Variants in ARHGEF3 observed in about 807,000 individuals in gnomAD.
ARHGEF3 encodes Rho guanine nucleotide exchange factor 3.
In ARHGEF3, 28 loss-of-function variants were observed where a neutral mutation model predicts 63.2. That is an observed-to-expected ratio of 0.44 (90% CI 0.33 to 0.61). The LOEUF (loss-of-function observed/expected upper bound fraction) is 0.61, where lower values mean the gene tolerates loss of function less well. Among genes scored for constraint, ARHGEF3 ranks in the 20% least tolerant of loss-of-function variants. The probability of loss-of-function intolerance (pLI) is 0.03; values close to 1 mark genes in which losing one functional copy is unlikely to be tolerated. For synonymous variants in ARHGEF3, 266 were observed against 254.2 expected, an observed-to-expected ratio of 1.05 and a Z score of -0.44; for missense variants, 533 against 659.3, an observed-to-expected ratio of 0.81 and a Z score of 2.10.
intron 2 of ARHGEF3, among the ~76,000 whole-genome samples, chr3:57,004,476 C>G (rs1202256224): frequency 6.6e-6 from 1 of 152,164 alleles, no homozygotes; most frequent in Admixed American, 6.5e-5. Context: ...AGCTGATGCC[C>G]GACATTTCCT....
chr3:56,770,662 C>T (rs2035957811), intron 2 of ARHGEF3, among the ~76,000 whole-genome samples: 1 of 152,058 alleles, frequency 6.6e-6, no homozygotes, highest in South Asian at 2.1e-4. Context: ...CTGCATACAA[C>T]TTGAGGGGTG....
chr3:56,965,730 C>G (rs1484736265), intron 2 of ARHGEF3, among the ~76,000 whole-genome samples: 1 of 149,852 alleles, frequency 6.7e-6, no homozygotes, highest in Admixed American at 6.7e-5. Flanking sequence ...CTCACTGCAA[C>G]CTCTGCCTTC....
At chr3:56,733,664 C>T (rs2033378511) in intron 8 of ARHGEF3, among the ~76,000 whole-genome samples, 1 of 151,848 alleles carries the variant, frequency 6.6e-6, no homozygotes, top group Admixed American at 6.6e-5. Flanking sequence ...CCTGAGGGGA[C>T]CAGAGTATGC....
At chr3:56,890,569 C>T (rs1204413977) in intron 3 of ARHGEF3, among the ~76,000 whole-genome samples, 2 of 152,162 alleles carry the variant, frequency 1.3e-5, no homozygotes, top group African/African-American at 2.4e-5. Flanking sequence ...CAGGATCCTG[C>T]AGAATGATGG....
At chr3:56,849,018 GCTGAA>G (rs575502353) in intron 4 of ARHGEF3, among the ~76,000 whole-genome samples, 3 of 152,190 alleles carry the variant, frequency 2.0e-5, no homozygotes, top group Non-Finnish European at 4.4e-5. Context: ...TTTTAAAGAG[GCTGAA>G]CTGAACACTA....
At chr3:56,839,616 A>T (rs2039241926) in intron 4 of ARHGEF3, among the ~76,000 whole-genome samples, 1 of 152,196 alleles carries the variant, frequency 6.6e-6, no homozygotes, top group Non-Finnish European at 1.5e-5. Flanking sequence ...AGCTTATTAA[A>T]AATATAAAAC....
chr3:56,995,262 G>C (rs1458492595), intron 2 of ARHGEF3, among the ~76,000 whole-genome samples: 2 of 152,008 alleles, frequency 1.3e-5, no homozygotes, highest in Non-Finnish European at 2.9e-5. Flanking sequence ...CGGCGTCTGG[G>C]GGGTGGAGTT....
rs139860303 is a variant in ARHGEF3, at chr3:56,788,597, A to G, written c.96+13106T>C. 7.0e-3 allele frequency among the ~76,000 whole-genome samples: 1,065 copies of G among 152,230 alleles called. 14 individuals are homozygous for G. Among genetic ancestry groups the G allele is most frequent in the African/African-American group, 0.024 (988 of 41,542 alleles). On this transcript the variant is annotated intron_variant, in intron 1 of 9. Coordinates refer to ENST00000296315, the MANE Select transcript of ARHGEF3 (RefSeq NM_019555.3). ...AAAGCACCCTGCAAATGAATAGGGC[A>G]TGAAGAGCTCAAAGCAACCTAATCC...
intron 2 of ARHGEF3, among the ~76,000 whole-genome samples, chr3:56,991,345 T>C (rs529430361): frequency 5.9e-5 from 9 of 152,118 alleles, no homozygotes; most frequent in African/African-American, 2.2e-4. Context: ...CCACTCAAGA[T>C]AGAATGCTGT....
At chr3:57,051,121 T>C (rs911956218) in intron 1 of ARHGEF3, among the ~76,000 whole-genome samples, 20 of 152,232 alleles carry the variant, frequency 1.3e-4, no homozygotes, top group African/African-American at 4.8e-4. Flanking sequence ...ATCCAGTACA[T>C]AAGTATTTCT....
chr3:56,862,196 C>T (rs938798558), intron 4 of ARHGEF3, among the ~76,000 whole-genome samples: 1 of 149,792 alleles, frequency 6.7e-6, no homozygotes, highest in Admixed American at 6.7e-5. Context: ...CAGGGTCAGA[C>T]TGCCCTTCTG....
In ARHGEF3 at chr3:56,807,390, A is replaced by G. The variant is rs1053068588; in HGVS notation, c.193-33574T>C. On this transcript the variant is annotated intron_variant, in intron 4 of 12. Transcript: ENST00000338458. ...GCCAATTTTAAAATGTGGCCTTTCA[A>G]TTGTAACCTATGTGTTTACATTTGA... Among the ~76,000 whole-genome samples the G allele has an allele frequency of 9.8e-5, 15 of 152,330 alleles. No homozygotes were observed. In the East Asian group the frequency reaches 2.5e-3, roughly 25 times the overall value.
intron 1 of ARHGEF3, among the ~76,000 whole-genome samples, chr3:57,063,705 A>G (rs1370459823): frequency 6.6e-6 from 1 of 152,180 alleles, no homozygotes; most frequent in Admixed American, 6.5e-5. Flanking sequence ...ACTCCATCAC[A>G]CGCTGCTGGT....
chr3:56,942,337 C>T (rs78853938), intron 3 of ARHGEF3, among the ~76,000 whole-genome samples: 6,590 of 152,234 alleles, frequency 0.043, 554 homozygotes, highest in East Asian at 0.37. Flanking sequence ...ACTCAAAATT[C>T]AATAGTTCAA....
intron 4 of ARHGEF3, among the ~76,000 whole-genome samples, chr3:56,836,065 T>C (rs1410851793): frequency 6.6e-6 from 1 of 152,206 alleles, no homozygotes; most frequent in African/African-American, 2.4e-5. Flanking sequence ...GGCCAAGGTA[T>C]CCCGTTCACA....
intron 4 of ARHGEF3, among the ~76,000 whole-genome samples, chr3:56,837,008 C>T (rs796374100): frequency 3.4e-4 from 52 of 152,286 alleles, no homozygotes; most frequent in African/African-American, 1.2e-3. Context: ...TTATTTCACC[C>T]TCTTCCAGAA....
intron 4 of ARHGEF3, among the ~76,000 whole-genome samples, chr3:56,850,065 C>A (rs2039624753): frequency 6.6e-6 from 1 of 152,134 alleles, no homozygotes; most frequent in African/African-American, 2.4e-5. Flanking sequence ...CAGTAACACA[C>A]AGCCCGAGCC....
intron 3 of ARHGEF3, among the ~76,000 whole-genome samples, chr3:56,904,032 T>C (rs2041608262): frequency 6.6e-6 from 1 of 151,096 alleles, no homozygotes; most frequent in Non-Finnish European, 1.5e-5. Context: ...TAAATATATA[T>C]ATATATGTAT....
chr3:56,945,393 C>T (rs1483852850), intron 3 of ARHGEF3, among the ~76,000 whole-genome samples: 1 of 152,100 alleles, frequency 6.6e-6, no homozygotes, highest in Non-Finnish European at 1.5e-5. Context: ...ACAGATGGCA[C>T]CTGGAAAATT....
Sources: allele counts gnomAD v4.1 joint callset (sites outside exome capture counted in the v4.1 genomes callset), GRCh38; gene constraint gnomAD v4.1.1; transcripts MANE v1.5; gene names NCBI Gene and HGNC (gene_info 2026-07-23, HGNC 2026-07-21).